Variants in NDST4 observed in about 807,000 individuals in gnomAD.
NDST4 encodes the protein N-heparan sulfate sulfotransferase 4.
A neutral mutation model predicts 100.8 loss-of-function variants in NDST4; 63 were observed. The ratio of observed to expected loss-of-function variants is 0.62; its 90% CI spans 0.51 to 0.77. The LOEUF (loss-of-function observed/expected upper bound fraction) is 0.77. NDST4 is among the 30% of genes least tolerant of loss of function. The pLI is 0.00. For missense variants in NDST4, 943 were observed against 1,018.4 expected (o/e 0.93, Z 1.01); for synonymous variants, 377 against 361.8 (o/e 1.04, Z -0.48).
intron 2 of NDST4, among the ~76,000 whole-genome samples, chr4:114,999,706 T>C (rs987002306): frequency 6.6e-6 from 1 of 152,050 alleles, no homozygotes; most frequent in Non-Finnish European, 1.5e-5. Context: ...TTGCTGAGAA[T>C]TTTGAACTTA....
intron 2 of NDST4, among the ~76,000 whole-genome samples, chr4:115,061,770 C>T (rs563817345): frequency 6.6e-6 from 1 of 152,010 alleles, no homozygotes; most frequent in African/African-American, 2.4e-5. Context: ...GCACATGTAT[C>T]CCAGAACTTA....
At chr4:115,112,861 T>C (rs1729982058) in intron 1 of NDST4, among the ~76,000 whole-genome samples, 1 of 151,914 alleles carries the variant, frequency 6.6e-6, no homozygotes, top group African/African-American at 2.4e-5. Context: ...TCTTTTCTAA[T>C]AGGAGGTAGG....
chr4:114,968,474 G>T (rs985080628), intron 4 of NDST4, among the ~76,000 whole-genome samples: 1 of 152,134 alleles, frequency 6.6e-6, no homozygotes, highest in Non-Finnish European at 1.5e-5. Flanking sequence ...CTTAATTAAC[G>T]TCTAGAGCAG....
chr4:114,966,916 A>C (rs1726396145), intron 4 of NDST4, among the ~76,000 whole-genome samples: 1 of 152,120 alleles, frequency 6.6e-6, no homozygotes, highest in South Asian at 2.1e-4. Context: ...TGAAAGAGCA[A>C]GTCATTACTA....
intron 1 of NDST4, among the ~76,000 whole-genome samples, chr4:115,087,623 C>T (rs1001015282): frequency 7.9e-5 from 12 of 151,672 alleles, no homozygotes; most frequent in Admixed American, 4.6e-4. Context: ...AACAATGTTG[C>T]GATTTCCTAT....
chr4:114,942,900 T>C (rs967208945), intron 4 of NDST4, among the ~76,000 whole-genome samples: 2 of 151,246 alleles, frequency 1.3e-5, no homozygotes, highest in Non-Finnish European at 3.0e-5. Flanking sequence ...TCCTGATCAA[T>C]GGTTATTATG....
intron 4 of NDST4, among the ~76,000 whole-genome samples, chr4:114,939,971 C>T (rs758963743): frequency 1.9e-4 from 29 of 152,120 alleles, no homozygotes; most frequent in Middle Eastern, 3.4e-3. Context: ...TTCTATTGTC[C>T]AGGGCTTAAA....
intron 6 of NDST4, among the ~76,000 whole-genome samples, chr4:114,911,816 A>T (rs1281472603): frequency 6.6e-6 from 1 of 152,176 alleles, no homozygotes; most frequent in East Asian, 1.9e-4. Context: ...ATTGTTATAG[A>T]TTATATTAAG....
intron 6 of NDST4, among the ~76,000 whole-genome samples, chr4:114,878,441 CAAAT>C (rs1214341606): frequency 1.3e-5 from 2 of 151,516 alleles, no homozygotes; most frequent in African/African-American, 4.8e-5. Context: ...AAAGAGTTAA[CAAAT>C]AAAAAAAGGG....
chr4:115,058,287 T>A (rs1045491115), intron 2 of NDST4, among the ~76,000 whole-genome samples: 2 of 152,148 alleles, frequency 1.3e-5, no homozygotes, highest in African/African-American at 4.8e-5. Context: ...TATTCAATCA[T>A]GTTATTACCC....
chr4:114,890,220 T>C (rs1008800940), intron 6 of NDST4, among the ~76,000 whole-genome samples: 4 of 152,140 alleles, frequency 2.6e-5, no homozygotes, highest in Non-Finnish European at 4.4e-5. Context: ...ACATCTTTTT[T>C]TGTAGACTCC....
intron 4 of NDST4, among the ~76,000 whole-genome samples, chr4:114,957,607 T>A (rs550302473): frequency 1.3e-4 from 20 of 152,328 alleles, no homozygotes; most frequent in African/African-American, 4.6e-4. Context: ...CCAAAGTTTT[T>A]ATTACTTTCA....
chr4:114,964,547 T>G (rs1197674645), intron 4 of NDST4, among the ~76,000 whole-genome samples: 4 of 152,232 alleles, frequency 2.6e-5, no homozygotes, highest in Non-Finnish European at 5.9e-5. Context: ...GTGTTCCATA[T>G]GATACCTCAA....
intron 2 of NDST4, among the ~76,000 whole-genome samples, chr4:115,061,258 C>A (rs1476253208): frequency 6.6e-6 from 1 of 152,082 alleles, no homozygotes; most frequent in African/African-American, 2.4e-5. Context: ...TTTGACTCAG[C>A]AATCCCATTA....
intron 6 of NDST4, among the ~76,000 whole-genome samples, chr4:114,877,537 T>C (rs867825845): frequency 2.0e-4 from 30 of 152,294 alleles, no homozygotes; most frequent in Middle Eastern, 3.4e-3. Context: ...ATAATAGATT[T>C]CCACTAAGAA....
At chr4:114,830,286 T>C (rs1019849876) in intron 12 of NDST4, among the ~76,000 whole-genome samples, 1 of 152,206 alleles carries the variant, frequency 6.6e-6, no homozygotes, top group African/African-American at 2.4e-5. Context: ...AACAGACTTA[T>C]TTGAAATCAT....
rs139483196 is a variant in NDST4, at chr4:114,962,825, G to A, written c.1221+7605C>T. Among the ~76,000 whole-genome samples the A allele has an allele frequency of 4.9e-3, 752 of 152,076 alleles. 12 individuals carry two copies. The highest frequency in any genetic ancestry group is 0.017 in the African/African-American group (712 of 41,512). ...ATAAGATGATCCTAAAATTCATATG[G>A]AAATTCAAAAGACCCAGAATAGTCA... is the stretch of plus-strand genomic sequence containing the variant. On this transcript the variant is annotated intron_variant, in intron 4 of 13. Coordinates refer to ENST00000264363, the MANE Select transcript of NDST4 (RefSeq NM_022569.3).
intron 4 of NDST4, among the ~76,000 whole-genome samples, chr4:114,941,820 C>A (rs899885493): frequency 1.3e-5 from 2 of 152,112 alleles, no homozygotes; most frequent in Non-Finnish European, 1.5e-5. Flanking sequence ...TTTGGAAGCA[C>A]TGAAATCATT....
chr4:114,991,878 C>A (rs543899684), intron 2 of NDST4, among the ~76,000 whole-genome samples: 33 of 152,064 alleles, frequency 2.2e-4, no homozygotes, highest in African/African-American at 7.9e-4. Flanking sequence ...TAACCTAATT[C>A]TAATAAAATA....
Sources: gnomAD v4.1 joint callset for allele counts (sites outside exome capture counted in the v4.1 genomes callset) on GRCh38, gnomAD v4.1.1 for gene constraint, MANE v1.5 for transcripts, NCBI Gene and HGNC (gene_info 2026-07-23, HGNC 2026-07-21) for gene names.